Variants in NXN observed in about 807,000 individuals in gnomAD.
The protein encoded by NXN is nucleoredoxin, also known as nucleoredoxin 1.
NXN carries 16 observed loss-of-function variants against 48.6 expected under a neutral mutation model. The observed-to-expected ratio is 0.33, with a 90% CI of 0.22 to 0.50. The LOEUF is 0.50. NXN is among the 20% of genes least tolerant of loss of function. NXN has a pLI of 0.98. For missense variants in NXN, 492 were observed against 605.5 expected, an observed-to-expected ratio of 0.81 and a Z score of 1.97; for synonymous variants, 281 against 269.6, an observed-to-expected ratio of 1.04 and a Z score of -0.41.
At chr17:879,583 G>C (rs555907891) in intron 1 of NXN, among the ~76,000 whole-genome samples, 1 of 151,988 alleles carries the variant, frequency 6.6e-6, no homozygotes, top group Non-Finnish European at 1.5e-5. Flanking sequence ...CACCGCGCCC[G>C]GCCACGAGTC....
chr17:813,336 C>A (rs1409995124), intron 5 of NXN, among the ~76,000 whole-genome samples: 1 of 152,226 alleles, frequency 6.6e-6, no homozygotes, highest in Non-Finnish European at 1.5e-5. Context: ...GAAGCCAGAA[C>A]TGATACCAGT....
intron 1 of NXN, among the ~76,000 whole-genome samples, chr17:966,961 G>A (rs561104026): frequency 2.8e-4 from 43 of 152,230 alleles, no homozygotes; most frequent in Admixed American, 1.0e-3. Context: ...ACGGCCCAGC[G>A]GTCCCCTGGG....
rs12602786 is a variant in NXN, at chr17:898,261, C to A, written c.361-72183G>T. 2.7e-3 allele frequency among the ~76,000 whole-genome samples: 414 copies of A among 152,280 alleles called. 7 individuals carry two copies. In the East Asian group the frequency reaches 0.04, roughly 15 times the overall value. ...TACCATCCCCCCAAGACTGGACAAA[C>A]AACCCTGGGGGAAAAACTGCCCCAG... On this transcript the variant is annotated intron_variant, in intron 1 of 7. Transcript: ENST00000336868.
At chr17:913,168 G>T (rs1238235348) in intron 1 of NXN, among the ~76,000 whole-genome samples, 1 of 152,024 alleles carries the variant, frequency 6.6e-6, no homozygotes, top group East Asian at 1.9e-4. Flanking sequence ...ATAAATAGAG[G>T]CTAACTTCTT....
At chr17:847,061 G>A (rs553094475) in intron 1 of NXN, among the ~76,000 whole-genome samples, 1 of 152,206 alleles carries the variant, frequency 6.6e-6, no homozygotes, top group African/African-American at 2.4e-5. Context: ...GAGCTTTTCC[G>A]TGTCCGCTCT....
chr17:891,824 C>G (rs1474493187), intron 1 of NXN, among the ~76,000 whole-genome samples: 5 of 62,260 alleles, frequency 8.0e-5, no homozygotes, highest in African/African-American at 1.5e-4. Flanking sequence ...CACAACCCAA[C>G]AAGGAACTAA....
At chr17:892,998 T>C (rs538577291) in intron 1 of NXN, among the ~76,000 whole-genome samples, 42 of 152,384 alleles carry the variant, frequency 2.8e-4, no homozygotes, top group Non-Finnish European at 5.9e-4. Context: ...CTGTGAACTC[T>C]GTACTTTCTG....
At chr17:835,307 C>CTAA (rs1913751474) in intron 1 of NXN, among the ~76,000 whole-genome samples, 1 of 91,280 alleles carries the variant, frequency 1.1e-5, no homozygotes, top group African/African-American at 4.1e-5. Context: ...GACTCTGTTT[C>CTAA]AAAAAAAAAA....
intron 1 of NXN, among the ~76,000 whole-genome samples, chr17:859,096 CA>C (rs1423630768): frequency 6.6e-6 from 1 of 152,088 alleles, no homozygotes; most frequent in Middle Eastern, 3.2e-3. Flanking sequence ...GTATCTTTAC[CA>C]AAAAAACTTG....
At chr17:824,157 A>G (rs939932635) in intron 2 of NXN, among the ~76,000 whole-genome samples, 2 of 150,846 alleles carry the variant, frequency 1.3e-5, no homozygotes, top group Non-Finnish European at 2.9e-5. Flanking sequence ...CCCCGGCCTC[A>G]GCCTCCCAAG....
At chr17:904,042 G>A (rs907505273) in intron 1 of NXN, among the ~76,000 whole-genome samples, 1 of 152,228 alleles carries the variant, frequency 6.6e-6, no homozygotes, top group Non-Finnish European at 1.5e-5. Context: ...GCTGAAGTCA[G>A]ACTTGTAGCA....
intron 1 of NXN, among the ~76,000 whole-genome samples, chr17:839,796 T>A (rs1404148017): frequency 4.0e-5 from 2 of 49,698 alleles, no homozygotes; most frequent in African/African-American, 1.3e-4. Flanking sequence ...AGAGACCTTG[T>A]TAAAAAAAAA....
intron 1 of NXN, among the ~76,000 whole-genome samples, chr17:961,432 G>C (rs2069236326): frequency 6.6e-6 from 1 of 152,032 alleles, no homozygotes; most frequent in Admixed American, 6.6e-5. Context: ...AAGACAGTAA[G>C]TATTGTAATT....
intron 1 of NXN, chr17:842,621 GCTA>G (rs1178172769): frequency 1.0e-6 from 1 of 957,610 alleles, no homozygotes; most frequent in Non-Finnish European, 1.2e-6. Context: ...AGGCAACTTG[GCTA>G]CTAAACTTCC....
At chr17:861,603 G>C (rs1247885760) in intron 1 of NXN, among the ~76,000 whole-genome samples, 2 of 152,138 alleles carry the variant, frequency 1.3e-5, no homozygotes, top group Non-Finnish European at 2.9e-5. Flanking sequence ...GCCAAGCTGA[G>C]CCTGAACGTC....
At chr17:926,618 T>C (rs997462731) in intron 1 of NXN, among the ~76,000 whole-genome samples, 2 of 151,576 alleles carry the variant, frequency 1.3e-5, no homozygotes, top group Non-Finnish European at 2.9e-5. Context: ...CAATCTCGGC[T>C]CACCACAGCC....
intron 1 of NXN, among the ~76,000 whole-genome samples, chr17:847,449 C>T (rs1205784464): frequency 1.3e-5 from 2 of 152,126 alleles, no homozygotes; most frequent in African/African-American, 2.4e-5. Flanking sequence ...CCGTTCTGCA[C>T]GGAGCCTGGC....
intron 1 of NXN, among the ~76,000 whole-genome samples, chr17:884,223 A>AAAATAAATAAATAAATAAAT (rs996617349): frequency 0.03 from 4,258 of 141,794 alleles, 157 homozygotes; most frequent in African/African-American, 0.081. Flanking sequence ...TCTGACTCAA[A>AAAATAAATAAATAAATAAAT]AAATAAATAA....
intron 1 of NXN, among the ~76,000 whole-genome samples, chr17:960,494 C>A (rs749079571): frequency 5.3e-5 from 8 of 151,880 alleles, no homozygotes; most frequent in Admixed American, 2.6e-4. Flanking sequence ...CAGGTGTGCA[C>A]CAACATGCAG....
Sources: gnomAD v4.1 joint callset for allele counts (sites outside exome capture counted in the v4.1 genomes callset) on GRCh38, gnomAD v4.1.1 for gene constraint, MANE v1.5 for transcripts, NCBI Gene and HGNC (gene_info 2026-07-23, HGNC 2026-07-21) for gene names.